Variants in WDR7 observed in about 807,000 individuals in gnomAD.
The protein encoded by WDR7 is WD repeat-containing protein 7.
WDR7 carries 46 observed loss-of-function variants against 169.4 expected under a neutral mutation model. The ratio of observed to expected loss-of-function variants is 0.27; its 90% CI spans 0.21 to 0.35. WDR7 has a LOEUF of 0.35. Among genes scored for constraint, WDR7 ranks in the 10% least tolerant of loss-of-function variants. The pLI is 1.00. For missense variants in WDR7, 1,534 were observed against 1,859.3 expected (o/e 0.83, Z 3.22); for synonymous variants, 612 against 666.8 (o/e 0.92, Z 1.27).
At chr18:56,699,107 A>G (rs1237224070) in intron 12 of WDR7, among the ~76,000 whole-genome samples, 1 of 152,236 alleles carries the variant, frequency 6.6e-6, no homozygotes, top group Non-Finnish European at 1.5e-5. Flanking sequence ...GTCCTGATAA[A>G]GACAAAGATA....
At chr18:56,760,837 A>G (rs2043970503) in intron 16 of WDR7, among the ~76,000 whole-genome samples, 1 of 152,186 alleles carries the variant, frequency 6.6e-6, no homozygotes, top group Non-Finnish European at 1.5e-5. Context: ...GAGCAATGAG[A>G]ACTCTTATAT....
At chr18:56,921,822 C>T (rs1212433973) in intron 21 of WDR7, among the ~76,000 whole-genome samples, 1 of 152,158 alleles carries the variant, frequency 6.6e-6, no homozygotes, top group Non-Finnish European at 1.5e-5. Flanking sequence ...AAAAAATTGT[C>T]CAGAGCGGTG....
intron 27 of WDR7, among the ~76,000 whole-genome samples, chr18:57,025,546 A>T (rs1361381928): frequency 2.6e-5 from 4 of 152,256 alleles, no homozygotes; most frequent in Admixed American, 2.0e-4. Context: ...TAACAGAAAG[A>T]GTTAACAATA....
intron 19 of WDR7, among the ~76,000 whole-genome samples, chr18:56,786,761 C>T (rs1022737637): frequency 1.3e-5 from 2 of 151,876 alleles, no homozygotes; most frequent in Non-Finnish European, 2.9e-5. Context: ...AATAATATGG[C>T]ATACGTTCTT....
intron 20 of WDR7, among the ~76,000 whole-genome samples, chr18:56,828,915 C>T (rs1037684457): frequency 6.6e-6 from 1 of 151,880 alleles, no homozygotes; most frequent in Admixed American, 6.6e-5. Context: ...TCTAGTGATC[C>T]AGATAATCTT....
Position 56,695,215 on chromosome 18 carries a change from C to T in WDR7, c.1357+17C>T, listed in dbSNP as rs759190216. 3.9e-5 allele frequency: 62 copies of T among 1,608,126 alleles called. No homozygotes were observed. Among genetic ancestry groups the T allele is most frequent in the Non-Finnish European group, 4.2e-5 (49 of 1,176,002 alleles). On this transcript the variant is annotated intron_variant, in intron 11 of 27. Coordinates refer to ENST00000254442, the MANE Select transcript of WDR7 (RefSeq NM_015285.3). ...TCAGAAGAGGTATACTGAAGAGCTC[C>T]GTATGTCTAAAGTGTTTTGACAACT...
chr18:56,768,971 T>C (rs980512191), intron 16 of WDR7, among the ~76,000 whole-genome samples: 11 of 152,222 alleles, frequency 7.2e-5, no homozygotes, highest in Non-Finnish European at 7.3e-5. Context: ...GGCACTTCAT[T>C]GGAAAATAGT....
chr18:56,841,446 C>T (rs1283969191), intron 20 of WDR7, among the ~76,000 whole-genome samples: 2 of 149,592 alleles, frequency 1.3e-5, no homozygotes, highest in African/African-American at 4.9e-5. Flanking sequence ...TGGGAGGCTG[C>T]TTGGGAGGAG....
chr18:56,784,421 C>T (rs1339619523), intron 19 of WDR7, among the ~76,000 whole-genome samples: 1 of 152,110 alleles, frequency 6.6e-6, no homozygotes, highest in Non-Finnish European at 1.5e-5. Flanking sequence ...TTTTATCCCT[C>T]ACCCTTCCTC....
intron 12 of WDR7, among the ~76,000 whole-genome samples, chr18:56,700,565 CTTTTTTTTTT>C (rs71169389): frequency 7.8e-5 from 9 of 115,836 alleles, no homozygotes; most frequent in Non-Finnish European, 1.2e-4. Context: ...AATATTGTTT[CTTTTTTTTTT>C]TTTTTTTTTT....
Position 56,789,534 on chromosome 18 carries a change from G to A in WDR7, c.3190+7878G>A, listed in dbSNP as rs2044452782. Among the ~76,000 whole-genome samples, 6 of 152,338 alleles carry A rather than the reference G, an allele frequency of 3.9e-5. 1 individual carries two copies. The highest frequency in any genetic ancestry group is 1.4e-4 in the African/African-American group (6 of 41,598). ...TTTGTGGAACAAAGCAAGGAGTGAAGCATGTGGAAATTCAATCACATGTCC... is the reference window on the plus strand; with the variant it reads ...TTTGTGGAACAAAGCAAGGAGTGAAACATGTGGAAATTCAATCACATGTCC... On this transcript the variant is annotated intron_variant, in intron 19 of 27. Coordinates refer to ENST00000254442, the MANE Select transcript of WDR7 (RefSeq NM_015285.3).
At chr18:56,926,893 C>T (rs1030965079) in intron 22 of WDR7, among the ~76,000 whole-genome samples, 3 of 152,164 alleles carry the variant, frequency 2.0e-5, no homozygotes, top group Non-Finnish European at 2.9e-5. Context: ...AGTGGAGCAG[C>T]AATGTGTGCA....
intron 12 of WDR7, among the ~76,000 whole-genome samples, chr18:56,700,630 C>T (rs1289635795): frequency 3.5e-5 from 5 of 140,976 alleles, no homozygotes; most frequent in African/African-American, 1.4e-4. Flanking sequence ...AGTGCAGTGG[C>T]GCGATCTCGG....
intron 13 of WDR7, among the ~76,000 whole-genome samples, chr18:56,727,166 T>C (rs866956132): frequency 7.2e-5 from 11 of 152,348 alleles, no homozygotes; most frequent in Middle Eastern, 3.4e-3. Context: ...TTTCAAATCC[T>C]TACATCTATT....
At chr18:56,921,503 G>A (rs572182444) in intron 21 of WDR7, among the ~76,000 whole-genome samples, 1 of 152,296 alleles carries the variant, frequency 6.6e-6, no homozygotes, top group African/African-American at 2.4e-5. Context: ...AGATCGTTGA[G>A]TGAAATAGAA....
At position 56,758,890 on chromosome 18, in the gene WDR7, C is replaced by T; in HGVS notation, c.2785C>T (p.Leu929Phe). 3.7e-6 allele frequency: 6 copies of T among 1,612,868 alleles called. No individual in the cohort carries two copies. The highest frequency in any genetic ancestry group is 1.1e-5 in the South Asian group (1 of 90,878). Residue 929 changes from leucine to phenylalanine, a missense_variant, in exon 16 of 28, where the codon CTT becomes TTT. Coordinates refer to ENST00000254442, the MANE Select transcript of WDR7 (RefSeq NM_015285.3). ...TRPPRPSTPD[L>F]SKARGSPPTS... ...GCCACCTAGACCAAGCACCCCAGAC[C>T]TTTCTAAGGCAAGGGGTTCCCCTCC...
chr18:56,935,773 C>G lies in WDR7; in HGVS notation c.3714-15C>G. On this transcript the variant is annotated splice_polypyrimidine_tract_variant and intron_variant, in intron 22 of 27. Coordinates refer to ENST00000254442, the MANE Select transcript of WDR7 (RefSeq NM_015285.3). ...GCTTCTTTTCTTTTTTTCCCTTTTT[C>G]TGATCCCTGTTTAGCATCACAATGG... The G allele has an allele frequency of 1.2e-6, 2 of 1,610,030 alleles. No individual in the cohort carries two copies. The highest frequency in any genetic ancestry group is 1.7e-6 in the Non-Finnish European group (2 of 1,177,204).
chr18:57,000,733 TTTC>T (rs1279382731), intron 26 of WDR7, among the ~76,000 whole-genome samples: 4 of 152,214 alleles, frequency 2.6e-5, no homozygotes, highest in African/African-American at 4.8e-5. Context: ...GTTCAAAAGC[TTTC>T]TTCTTGTAAA....
intron 21 of WDR7, among the ~76,000 whole-genome samples, chr18:56,900,670 G>A (rs1361011871): frequency 2.0e-5 from 3 of 152,166 alleles, no homozygotes; most frequent in South Asian, 2.1e-4. Flanking sequence ...CATCGGGCTT[G>A]TAGATAATGA....
Sources: gnomAD v4.1 joint callset for allele counts (sites outside exome capture counted in the v4.1 genomes callset) on GRCh38, gnomAD v4.1.1 for gene constraint, MANE v1.5 for transcripts, NCBI Gene and HGNC (gene_info 2026-07-23, HGNC 2026-07-21) for gene names.